KAZN: variants seen among roughly 807,000 people sequenced by gnomAD.
The protein encoded by KAZN is kazrin, periplakin interacting protein.
KAZN carries 40 observed loss-of-function variants against 87.4 expected under a neutral mutation model. The observed-to-expected ratio is 0.46, with a 90% CI of 0.36 to 0.60. The LOEUF is 0.60. KAZN is among the 20% of genes least tolerant of loss of function. The pLI, the probability that KAZN is intolerant of heterozygous loss-of-function variation, is 0.00. For synonymous variants in KAZN, 466 were observed against 458.3 expected, an observed-to-expected ratio of 1.02 and a Z score of -0.22; for missense variants, 898 against 1,073.9, an observed-to-expected ratio of 0.84 and a Z score of 2.29.
intron 1 of KAZN, among the ~76,000 whole-genome samples, chr1:14,783,329 C>T (rs1196213573): frequency 6.6e-6 from 1 of 152,056 alleles, no homozygotes; most frequent in African/African-American, 2.4e-5. Context: ...ATCTCACCAG[C>T]AGGGGCTCCT....
chr1:15,014,426 A>G (rs1220336825), intron 2 of KAZN, among the ~76,000 whole-genome samples: 3 of 152,052 alleles, frequency 2.0e-5, no homozygotes, highest in Non-Finnish European at 4.4e-5. Flanking sequence ...TATGGTTATC[A>G]TTGCTGCTCC....
chr1:14,114,288 G>A (rs568711876), intron 1 of KAZN, among the ~76,000 whole-genome samples: 1 of 152,274 alleles, frequency 6.6e-6, no homozygotes, highest in Non-Finnish European at 1.5e-5. Flanking sequence ...TGGGGGGCCG[G>A]CATTGGGGGG....
At chr1:14,669,131 A>G (rs1476056744) in intron 1 of KAZN, among the ~76,000 whole-genome samples, 1 of 152,218 alleles carries the variant, frequency 6.6e-6, no homozygotes, top group Non-Finnish European at 1.5e-5. Flanking sequence ...ATTCAAGGCT[A>G]GGAGTTGGCC....
intron 1 of KAZN, among the ~76,000 whole-genome samples, chr1:14,695,154 G>C (rs1285556836): frequency 6.6e-6 from 1 of 152,194 alleles, no homozygotes; most frequent in Non-Finnish European, 1.5e-5. Flanking sequence ...CTGCAATGAT[G>C]CTATCATATT....
chr1:14,271,425 C>T (rs981284293), intron 2 of KAZN, among the ~76,000 whole-genome samples: 4 of 152,170 alleles, frequency 2.6e-5, no homozygotes, highest in Non-Finnish European at 4.4e-5. Context: ...TCCATTCAAG[C>T]TAGCACAAGT....
chr1:15,110,263 G>GTT (rs2100743847), intron 13 of KAZN, among the ~76,000 whole-genome samples: 1 of 151,248 alleles, frequency 6.6e-6, no homozygotes, highest in African/African-American at 2.4e-5. Context: ...GTGCACTTGT[G>GTT]TGTGTATATG....
At chr1:13,902,043 A>G (rs1335681417) in intron 1 of KAZN, among the ~76,000 whole-genome samples, 1 of 152,240 alleles carries the variant, frequency 6.6e-6, no homozygotes, top group Non-Finnish European at 1.5e-5. Flanking sequence ...CCTTAGCCGA[A>G]TTACTGATAC....
chr1:14,062,625 G>A (rs1192254657), intron 1 of KAZN, among the ~76,000 whole-genome samples: 1 of 152,120 alleles, frequency 6.6e-6, no homozygotes, highest in East Asian at 1.9e-4. Flanking sequence ...ATAGCCTGAT[G>A]CTAGGAGCTG....
intron 2 of KAZN, among the ~76,000 whole-genome samples, chr1:14,985,459 G>A (rs1038308471): frequency 1.3e-5 from 2 of 151,908 alleles, no homozygotes; most frequent in African/African-American, 4.8e-5. Context: ...AAGCCCAGGA[G>A]GCCAAGGCTG....
At chr1:14,988,736 G>A (rs1667072768) in intron 2 of KAZN, among the ~76,000 whole-genome samples, 1 of 152,202 alleles carries the variant, frequency 6.6e-6, no homozygotes, top group African/African-American at 2.4e-5. Context: ...TCCTTGGCCT[G>A]GGTGGCAGTC....
intron 2 of KAZN, among the ~76,000 whole-genome samples, chr1:14,547,594 T>G (rs1673236470): frequency 6.6e-6 from 1 of 152,140 alleles, no homozygotes; most frequent in Admixed American, 6.5e-5. Flanking sequence ...ATAACGCTGT[T>G]GTTGTTGTTA....
chr1:14,926,894 G>C (rs1164955955), intron 1 of KAZN, among the ~76,000 whole-genome samples: 1 of 152,176 alleles, frequency 6.6e-6, no homozygotes, highest in African/African-American at 2.4e-5. Flanking sequence ...TCAGAGATGT[G>C]GGGAAGGGAA....
chr1:14,573,108 A>G (rs1159916128), intron 2 of KAZN, among the ~76,000 whole-genome samples: 1 of 151,904 alleles, frequency 6.6e-6, no homozygotes, highest in African/African-American at 2.4e-5. Flanking sequence ...GAAGCAATAC[A>G]CTTCTGATTC....
In KAZN at chr1:14,175,222, G is replaced by A. The variant is rs1034535022; in HGVS notation, c.92-5213G>A. Among the ~76,000 whole-genome samples the A allele has an allele frequency of 2.6e-5, 4 of 152,332 alleles. No homozygotes were observed. In the East Asian group the frequency reaches 5.8e-4, roughly 22 times the overall value. ...GGGTTCACCCCATTCTCCTGCCTCA[G>A]CCTCCAGAGTAGCTGGGACTACAGG... is the stretch of plus-strand genomic sequence containing the variant. On this transcript the variant is annotated intron_variant, in intron 1 of 16. Coordinates refer to the KAZN transcript ENST00000636203.
intron 8 of KAZN, among the ~76,000 whole-genome samples, chr1:15,090,504 G>A (rs975833026): frequency 6.6e-6 from 1 of 152,212 alleles, no homozygotes; most frequent in African/African-American, 2.4e-5. Context: ...ACTGGCTGCC[G>A]GCCTGCACCC....
intron 1 of KAZN, among the ~76,000 whole-genome samples, chr1:14,158,737 T>C (rs534375852): frequency 2.9e-4 from 44 of 152,266 alleles, no homozygotes; most frequent in African/African-American, 9.9e-4. Flanking sequence ...GGGCTTGTTT[T>C]TACCCGTCCT....
At chr1:13,905,555 CT>C (rs141378918) in intron 1 of KAZN, among the ~76,000 whole-genome samples, 12,687 of 152,214 alleles carry the variant, frequency 0.083, 749 homozygotes, top group Non-Finnish European at 0.12. Flanking sequence ...CAAGTCTCAT[CT>C]TCCCTGATGT....
At chr1:14,995,196 G>A (rs901445447) in intron 2 of KAZN, among the ~76,000 whole-genome samples, 25 of 152,318 alleles carry the variant, frequency 1.6e-4, no homozygotes, top group African/African-American at 6.0e-4. Context: ...CTGCTGTGAT[G>A]CCAGTGCTGG....
chr1:15,073,361 C>A (rs568366454), intron 8 of KAZN, among the ~76,000 whole-genome samples: 2 of 152,286 alleles, frequency 1.3e-5, no homozygotes, highest in African/African-American at 2.4e-5. Context: ...TGGGCTCAGT[C>A]GCAGGAGGTC....
Sources: gnomAD v4.1 joint callset for allele counts (sites outside exome capture counted in the v4.1 genomes callset) on GRCh38, gnomAD v4.1.1 for gene constraint, MANE v1.5 for transcripts, NCBI Gene and HGNC (gene_info 2026-07-23, HGNC 2026-07-21) for gene names.